TULP4: variants seen among roughly 807,000 people sequenced by gnomAD.
TULP4 encodes the protein TUB like protein 4, also known as tubby-related protein 4.
In TULP4, 16 loss-of-function variants were observed where a neutral mutation model predicts 129.0. The observed-to-expected ratio is 0.12, with a 90% CI of 0.08 to 0.19. The LOEUF is 0.19. Among genes scored for constraint, TULP4 ranks in the 10% least tolerant of loss-of-function variants. The pLI is 1.00. For missense variants in TULP4, 1,842 were observed against 2,059.1 expected (o/e 0.89, Z 2.04); for synonymous variants, 998 against 854.0 (o/e 1.17, Z -2.94).
intron 1 of TULP4, among the ~76,000 whole-genome samples, chr6:158,353,406 ATGTGATTGCTTTGCAAT>A (rs1381928464): frequency 1.3e-5 from 2 of 152,130 alleles, no homozygotes. Context: ...TGTTTTGCAA[ATGTGATTGCTTTGCAAT>A]TTTATTTTCA....
intron 1 of TULP4, among the ~76,000 whole-genome samples, chr6:158,274,211 T>C (rs2128463164): frequency 6.6e-6 from 1 of 151,914 alleles, no homozygotes; most frequent in East Asian, 1.9e-4. Flanking sequence ...TGAGCCAAGA[T>C]CACACCACAG....
chr6:158,417,942 G>C (rs1778248704), intron 2 of TULP4, among the ~76,000 whole-genome samples: 2 of 152,180 alleles, frequency 1.3e-5, no homozygotes, highest in East Asian at 3.9e-4. Flanking sequence ...CTCTGAGACA[G>C]TCTGATGAAA....
At chr6:158,433,960 A>G (rs992838116) in intron 3 of TULP4, among the ~76,000 whole-genome samples, 1 of 152,202 alleles carries the variant, frequency 6.6e-6, no homozygotes, top group Non-Finnish European at 1.5e-5. Flanking sequence ...TCTGGAGGCT[A>G]GAAGTCCAAG....
At chr6:158,368,029 C>CTGCA (rs1376284377) in intron 1 of TULP4, among the ~76,000 whole-genome samples, 2 of 135,236 alleles carry the variant, frequency 1.5e-5, no homozygotes, top group Non-Finnish European at 3.1e-5. Flanking sequence ...TAGATCGAGG[C>CTGCA]TGCAGTGAGT....
intron 8 of TULP4, 193 bp downstream of exon 8, chr6:158,481,482 AGGT>A (rs1373786349): frequency 3.0e-5 from 19 of 634,006 alleles, no homozygotes; most frequent in Middle Eastern, 2.5e-4. Context: ...ACTTTTTGAC[AGGT>A]TTTTAATCAT....
At chr6:158,261,585 T>G (rs1185915377) in intron 1 of TULP4, among the ~76,000 whole-genome samples, 1 of 152,142 alleles carries the variant, frequency 6.6e-6, no homozygotes, top group Non-Finnish European at 1.5e-5. Context: ...GAGACAGTGA[T>G]TTGATTGATG....
chr6:158,386,711 T>C (rs1777457096), intron 1 of TULP4, among the ~76,000 whole-genome samples: 1 of 152,210 alleles, frequency 6.6e-6, no homozygotes, highest in East Asian at 1.9e-4. Flanking sequence ...ACAGACTGCC[T>C]GGATTAGAAA....
intron 1 of TULP4, among the ~76,000 whole-genome samples, chr6:158,343,245 A>G (rs1255673503): frequency 6.6e-6 from 1 of 151,764 alleles, no homozygotes; most frequent in Non-Finnish European, 1.5e-5. Context: ...CTAGACTGGA[A>G]CTCAGATTCT....
chr6:158,277,429 C>T (rs1778667208), upstream of TULP4, among the ~76,000 whole-genome samples: 1 of 152,164 alleles, frequency 6.6e-6, no homozygotes, highest in South Asian at 2.1e-4. Flanking sequence ...GCCTGTGTAG[C>T]AATGATAATG....
intron 1 of TULP4, among the ~76,000 whole-genome samples, chr6:158,304,065 G>T (rs1173956748): frequency 1.3e-5 from 2 of 152,112 alleles, no homozygotes; most frequent in African/African-American, 2.4e-5. Context: ...GACAAGAGAG[G>T]GAGAGAACAC....
intron 4 of TULP4, among the ~76,000 whole-genome samples, chr6:158,449,636 G>A (rs1488833797): frequency 6.6e-6 from 1 of 152,188 alleles, no homozygotes; most frequent in Admixed American, 6.5e-5. Context: ...ATGAAGGCCA[G>A]CACCTTGGGC....
intron 6 of TULP4, among the ~76,000 whole-genome samples, chr6:158,464,319 C>G (rs1779508045): frequency 6.6e-6 from 1 of 152,168 alleles, no homozygotes; most frequent in Non-Finnish European, 1.5e-5. Flanking sequence ...ATCTTGAAAC[C>G]AGGCCATACA....
intron 1 of TULP4, among the ~76,000 whole-genome samples, chr6:158,240,107 T>A (rs1583665635): frequency 3.7e-5 from 2 of 54,406 alleles, no homozygotes; most frequent in African/African-American, 6.2e-5. Flanking sequence ...CACTTCCCAG[T>A]AGGGGCGGCC....
Position 158,504,004 on chromosome 6 carries a change from C to T in TULP4, c.4341C>T (p.Cys1447=). 1 of 1,612,432 alleles carries T rather than the reference C, an allele frequency of 6.2e-7. No individual in the cohort carries two copies. Among genetic ancestry groups the T allele is most frequent in the Non-Finnish European group, 8.5e-7 (1 of 1,179,406 alleles). Residue 1447 remains cysteine (C), a synonymous_variant, in exon 13 of 14, where the codon TGC becomes TGT. Coordinates refer to ENST00000367097, the MANE Select transcript of TULP4 (RefSeq NM_020245.5). ...RAAGELEEAK[C]RRASEKEDGR... is the part of the protein sequence containing the mutation. The stretch of plus-strand genomic sequence containing the variant: ...CCGGCGAGCTGGAGGAGGCCAAGTG[C>T]CGGCGGGCCAGTGAGAAGGAGGACG...
At chr6:158,275,143 G>C (rs538133766) in intron 1 of TULP4, among the ~76,000 whole-genome samples, 1 of 152,314 alleles carries the variant, frequency 6.6e-6, no homozygotes, top group East Asian at 1.9e-4. Context: ...GTCCAGTGCC[G>C]AGTTGTGGAG....
In TULP4 at chr6:158,241,779, G is replaced by A. The variant is rs1777921015; in HGVS notation, n.68+9476G>A. The A allele has an allele frequency of 8.7e-6, 4 of 461,500 alleles. No homozygotes were observed. In the East Asian group the frequency reaches 1.8e-4, roughly 20 times the overall value. The allele number at this position is 461,500 out of a possible 1,614,324, so 28.6% of individuals were successfully genotyped here. ...CCAGCTAATTTTTGTATTTTTAGTA[G>A]AGACGGGGTTTTACCGTATTGGCCA... On this transcript the variant is annotated intron_variant and non_coding_transcript_variant, in intron 1 of 1. Coordinates refer to the TULP4 transcript ENST00000620026.
Position 158,504,185 on chromosome 6 carries a change from C to A in TULP4, c.4515+7C>A. 2 of 1,558,866 alleles carry A rather than the reference C, an allele frequency of 1.3e-6. No homozygotes were observed. Among genetic ancestry groups the A allele is most frequent in the Non-Finnish European group, 1.7e-6 (2 of 1,149,028 alleles). On this transcript the variant is annotated splice_region_variant and intron_variant, in intron 13 of 13. Coordinates refer to ENST00000367097, the MANE Select transcript of TULP4 (RefSeq NM_020245.5). ...TGAGTTAGAGGGGCGGCAGGTAAGA[C>A]CTCAGACCAGGTGGCGCTGCGAGCC...
intron 1 of TULP4, among the ~76,000 whole-genome samples, chr6:158,248,618 T>C (rs1297291454): frequency 6.6e-6 from 1 of 152,072 alleles, no homozygotes; most frequent in Non-Finnish European, 1.5e-5. Context: ...GTGGTGCACC[T>C]GTGTCCCCGC....
intron 1 of TULP4, among the ~76,000 whole-genome samples, chr6:158,296,707 GA>G (rs1779040666): frequency 6.6e-6 from 1 of 151,880 alleles, no homozygotes; most frequent in South Asian, 2.1e-4. Context: ...AGAGTACAAA[GA>G]GAGGAATTTT....
Sources: gnomAD v4.1 joint callset for allele counts (sites outside exome capture counted in the v4.1 genomes callset) on GRCh38, gnomAD v4.1.1 for gene constraint, MANE v1.5 for transcripts, NCBI Gene and HGNC (gene_info 2026-07-23, HGNC 2026-07-21) for gene names.